Variants in ANTXR2 observed in about 807,000 individuals in gnomAD.
The protein encoded by ANTXR2 is anthrax toxin receptor 2.
Under a neutral mutation model 73.7 loss-of-function variants are expected in ANTXR2, and 44 were observed. The ratio of observed to expected loss-of-function variants is 0.60; its 90% CI spans 0.47 to 0.77. The LOEUF (loss-of-function observed/expected upper bound fraction) is 0.77. Ranked by LOEUF, ANTXR2 falls within the 30% of genes least tolerant of loss-of-function variation. The pLI is 0.00. For synonymous variants in ANTXR2, 217 were observed against 205.9 expected, an observed-to-expected ratio of 1.05 and a Z score of -0.46; for missense variants, 604 against 592.5, an observed-to-expected ratio of 1.02 and a Z score of -0.20.
chr4:79,991,313 A>G (rs969832223), intron 12 of ANTXR2, among the ~76,000 whole-genome samples: 2 of 152,178 alleles, frequency 1.3e-5, no homozygotes, highest in African/African-American at 2.4e-5. Flanking sequence ...ACTTCTCAAA[A>G]GAAGACATAT....
At chr4:80,055,667 T>C (rs1331054227) in intron 4 of ANTXR2, among the ~76,000 whole-genome samples, 200 bp from the exon 5 acceptor site, 1 of 151,930 alleles carries the variant, frequency 6.6e-6, no homozygotes, top group South Asian at 2.1e-4. Context: ...GTTTAAATTA[T>C]ATAGATTTTT....
At chr4:79,952,664 C>T (rs1162952457) in intron 16 of ANTXR2, among the ~76,000 whole-genome samples, 2 of 151,790 alleles carry the variant, frequency 1.3e-5, no homozygotes. Context: ...CAAAATTTCA[C>T]TTGTTTATTA....
intron 3 of ANTXR2, among the ~76,000 whole-genome samples, chr4:80,060,779 C>T (rs1483883053): frequency 6.6e-6 from 1 of 152,154 alleles, no homozygotes; most frequent in South Asian, 2.1e-4. Context: ...CCTGTTGTTT[C>T]AGTCATCAAC....
intron 10 of ANTXR2, among the ~76,000 whole-genome samples, chr4:80,029,389 A>G (rs1344392688): frequency 6.6e-6 from 1 of 151,898 alleles, no homozygotes; most frequent in Non-Finnish European, 1.5e-5. Flanking sequence ...AATTCTGACC[A>G]TTTTCCTCTA....
rs137942817 is a variant in ANTXR2 at position 80,007,609 on chromosome 4, T to C, written c.1041+912A>G. Among the ~76,000 whole-genome samples the C allele has an allele frequency of 3.9e-5, 6 of 152,284 alleles. No individual in the cohort carries two copies. The East Asian group carries it at 1.2e-3, about 29-fold the overall frequency. On this transcript the variant is annotated intron_variant, in intron 12 of 16. Transcript: ENST00000403729. ...AAGTGCGTCCAATCTAATCCCATGGTTCCTTAAAACTGGAGGACCTTTCCC... is the reference window on the plus strand; with the variant it reads ...AAGTGCGTCCAATCTAATCCCATGGCTCCTTAAAACTGGAGGACCTTTCCC...
At chr4:79,976,163 C>T (rs574701559) in intron 16 of ANTXR2, among the ~76,000 whole-genome samples, 1 of 152,022 alleles carries the variant, frequency 6.6e-6, no homozygotes, top group Admixed American at 6.5e-5. Flanking sequence ...CCGCCCGCCT[C>T]GGCTTCCCAA....
chr4:80,060,404 AT>A (rs1329023420), intron 3 of ANTXR2, among the ~76,000 whole-genome samples: 1 of 152,182 alleles, frequency 6.6e-6, no homozygotes, highest in Non-Finnish European at 1.5e-5. Context: ...TTCTTGTGTT[AT>A]TGGAATGCGT....
At chr4:80,007,869 T>G (rs1363188876) in intron 12 of ANTXR2, among the ~76,000 whole-genome samples, 1 of 152,222 alleles carries the variant, frequency 6.6e-6, no homozygotes, top group East Asian at 1.9e-4. Context: ...AAAGCTGTGA[T>G]TAGACAGCTG....
chr4:80,014,993 TG>T (rs1375883581), intron 11 of ANTXR2, among the ~76,000 whole-genome samples: 1 of 152,222 alleles, frequency 6.6e-6, no homozygotes, highest in Non-Finnish European at 1.5e-5. Flanking sequence ...CTTCTTTTCC[TG>T]TTTAATTTTG....
chr4:79,989,319 C>T lies in ANTXR2; in HGVS notation c.1042-4456G>A, dbSNP rs578131709. ...AATGACAAAGGGGACATTAGAGATC[C>T]CAAAGAAATACAAGAACTCTAAAAC... On this transcript the variant is annotated intron_variant, in intron 12 of 16. Transcript: ENST00000403729. Among the ~76,000 whole-genome samples the T allele has an allele frequency of 2.0e-5, 3 of 151,550 alleles. No individual in the cohort carries two copies. The South Asian group carries it at 6.2e-4, about 32-fold the overall frequency.
chr4:80,023,443 A>G (rs1732270511), intron 10 of ANTXR2, among the ~76,000 whole-genome samples: 1 of 152,222 alleles, frequency 6.6e-6, no homozygotes, highest in South Asian at 2.1e-4. Flanking sequence ...TGTAGTAGCA[A>G]TGATAATTGG....
At chr4:80,010,922 C>G (rs1034247919) in intron 11 of ANTXR2, among the ~76,000 whole-genome samples, 8 of 151,846 alleles carry the variant, frequency 5.3e-5, no homozygotes, top group Non-Finnish European at 7.4e-5. Context: ...TTGAGGTGGG[C>G]GGATCACAAG....
At chr4:79,952,743 G>A (rs1578107286) in intron 16 of ANTXR2, among the ~76,000 whole-genome samples, 1 of 151,614 alleles carries the variant, frequency 6.6e-6, no homozygotes, top group Non-Finnish European at 1.5e-5. Flanking sequence ...GCTCTAAAGA[G>A]TATAAAAAGC....
chr4:79,955,359 A>G (rs1728849679), intron 16 of ANTXR2, among the ~76,000 whole-genome samples: 1 of 152,246 alleles, frequency 6.6e-6, no homozygotes, highest in African/African-American at 2.4e-5. Flanking sequence ...CCTTGAACAT[A>G]TTTTCAAATA....
At chr4:79,930,030 C>A (rs1727995839) in intron 16 of ANTXR2, among the ~76,000 whole-genome samples, 1 of 152,140 alleles carries the variant, frequency 6.6e-6, no homozygotes, top group Admixed American at 6.5e-5. Context: ...CTCAAATCTT[C>A]CTAGCAAGTA....
chr4:80,063,612 C>A (rs189413482), intron 3 of ANTXR2, among the ~76,000 whole-genome samples: 1 of 151,932 alleles, frequency 6.6e-6, no homozygotes, highest in African/African-American at 2.4e-5. Context: ...ACATACACCC[C>A]CCTCACCATA....
chr4:80,012,713 A>G (rs1731649088), intron 11 of ANTXR2, among the ~76,000 whole-genome samples: 1 of 152,194 alleles, frequency 6.6e-6, no homozygotes, highest in Admixed American at 6.5e-5. Flanking sequence ...CTGGGCAAGT[A>G]ACAACCTTTC....
intron 16 of ANTXR2, chr4:79,977,395 T>C (rs1729680447): frequency 1.1e-6 from 1 of 880,708 alleles, no homozygotes; most frequent in Admixed American, 3.7e-5. Flanking sequence ...TGACCAGAAT[T>C]GTAAAGAATT....
intron 14 of ANTXR2, 35 bp downstream of exon 14, chr4:79,983,843 G>T (rs1253282830): frequency 1.8e-5 from 27 of 1,483,952 alleles, no homozygotes; most frequent in Non-Finnish European, 2.4e-5. Flanking sequence ...ACATACTCCA[G>T]ATTAGCAGCT....
Sources: allele counts gnomAD v4.1 joint callset (sites outside exome capture counted in the v4.1 genomes callset), GRCh38; gene constraint gnomAD v4.1.1; transcripts MANE v1.5; gene names NCBI Gene and HGNC (gene_info 2026-07-23, HGNC 2026-07-21).